Variants in SIN3B observed in about 807,000 individuals in gnomAD.
SIN3B encodes paired amphipathic helix protein Sin3b.
A neutral mutation model predicts 120.2 loss-of-function variants in SIN3B; 19 were observed. The observed-to-expected ratio is 0.16, with a 90% CI of 0.11 to 0.23. The LOEUF (loss-of-function observed/expected upper bound fraction) is 0.23. SIN3B is among the 10% of genes least tolerant of loss of function. The pLI is 1.00. For synonymous variants in SIN3B, 654 were observed against 653.2 expected (o/e 1.00, Z -0.02); for missense variants, 1,073 against 1,573.0 (o/e 0.68, Z 5.38).
chr19:16,842,044 CT>C lies in SIN3B; in HGVS notation c.582+78del. The C allele has an allele frequency of 2.5e-6, 3 of 1,218,588 alleles. No individual in the cohort carries two copies. The South Asian group carries it at 3.9e-5, about 16-fold the overall frequency. The allele number at this position is 1,218,588 out of a possible 1,614,324, so 75.5% of individuals were successfully genotyped here. A position where few individuals can be genotyped will look rare whatever the true frequency, so the allele number is the denominator to read the frequency against. On this transcript the variant is annotated intron_variant, in intron 4 of 18. Transcript: ENST00000248054. ...GGGGCCCTGCAGATATTCAGATTTT[CT>C]TGTCGGAATTCATAAAATCCTGTAA...
intron 1 of SIN3B, 111 bp from the exon 2 acceptor site, chr19:16,829,680 C>G: frequency 8.0e-7 from 1 of 1,257,114 alleles, no homozygotes; most frequent in Non-Finnish European, 1.1e-6. Flanking sequence ...CCCCTCACCT[C>G]TCACCTCGGC....
Position 16,869,534 on chromosome 19 carries a change from G to A in SIN3B, c.1881G>A (p.Arg627=). 1.2e-6 allele frequency: 2 copies of A among 1,613,884 alleles called. No individual in the cohort carries two copies. Among genetic ancestry groups the A allele is most frequent in the East Asian group, 2.2e-5 (1 of 44,874 alleles). Residue 627 remains arginine (R), a synonymous_variant, in exon 13 of 19, where the codon CGG becomes CGA. Transcript: ENST00000248054. The part of the protein sequence containing the change: ...EPHLIFVYED[R]QILEDAAALI... ...ACCTCATCTTTGTGTACGAGGACCG[G>A]CAGATCCTGGAGGACGCAGCAGCGC...
chr19:16,833,212 A>G (rs1383277347), intron 3 of SIN3B, among the ~76,000 whole-genome samples: 1 of 152,176 alleles, frequency 6.6e-6, no homozygotes, highest in Non-Finnish European at 1.5e-5. Flanking sequence ...GTCTTCTTTG[A>G]TGGAAGAGAT....
At chr19:16,829,561 C>T (rs1420244448) in intron 1 of SIN3B, 21 bp downstream of exon 1, 3 of 1,242,718 alleles carry the variant, frequency 2.4e-6, no homozygotes, top group Non-Finnish European at 3.0e-6. Flanking sequence ...TCCCCGCCCT[C>T]CCTCGGGGAA....
Position 16,876,437 on chromosome 19 carries a change from C to G in SIN3B, c.2767-49C>G. 3.8e-6 allele frequency: 6 copies of G among 1,586,128 alleles called. No homozygotes were observed. Among genetic ancestry groups the G allele is most frequent in the Non-Finnish European group, 5.2e-6 (6 of 1,158,552 alleles). On this transcript the variant is annotated intron_variant, in intron 15 of 18. Coordinates refer to ENST00000248054, the MANE Select transcript of SIN3B (RefSeq NM_001297595.2). This position sits in a 1 kb window ranked among gnomAD's most constrained non-coding sequence, Gnocchi z 7.1. Reference sequence around the variant, plus strand: ...GTGGCCTTGCGAGCCTGCGCTGTGCCGGCTGGGCTGTGCCGGCAGTGGAGG... The same window carrying G: ...GTGGCCTTGCGAGCCTGCGCTGTGCGGGCTGGGCTGTGCCGGCAGTGGAGG...
chr19:16,856,281 G>GGGAGCCAGCT (rs1198120493), intron 8 of SIN3B, among the ~76,000 whole-genome samples: 2 of 152,060 alleles, frequency 1.3e-5, no homozygotes. Context: ...GCTGAGACCT[G>GGGAGCCAGCT]GGAGCCAGCT....
At position 16,832,220 on chromosome 19, in the gene SIN3B, C is replaced by T. The variant is rs556306615; in HGVS notation, c.381+573C>T. 1.4e-3 allele frequency among the ~76,000 whole-genome samples: 174 copies of T among 123,100 alleles called. 1 individual carries two copies. The highest frequency in any genetic ancestry group is 5.1e-3 in the African/African-American group (167 of 32,986). The allele number at this position is 123,100 out of a possible 152,430, so 80.8% of individuals were successfully genotyped here. ...TTTTTTTTTTTTTTTTTTTTGGAGA[C>T]GGAGTCTGGCTCTGTCACCCAGGCT... On this transcript the variant is annotated intron_variant, in intron 3 of 18. Coordinates refer to ENST00000248054, the MANE Select transcript of SIN3B (RefSeq NM_001297595.2).
At chr19:16,867,543 G>T (rs529267946) in intron 12 of SIN3B, among the ~76,000 whole-genome samples, 2 of 152,292 alleles carry the variant, frequency 1.3e-5, no homozygotes, top group African/African-American at 4.8e-5. Flanking sequence ...ACTCTGAGGA[G>T]GTGGCTTAGG....
Position 16,876,600 on chromosome 19 carries a change from G to C in SIN3B, c.2859+22G>C. 8 of 1,593,144 alleles carry C rather than the reference G, an allele frequency of 5.0e-6. No homozygotes were observed. The highest frequency in any genetic ancestry group is 3.3e-5 in the South Asian group (3 of 90,404). ...CCAGGTGAGGCCCTGGCCCCAGTCTGTGCCACGCATACCAGGGAGCGCCTG... is the reference window on the plus strand; with the variant it reads ...CCAGGTGAGGCCCTGGCCCCAGTCTCTGCCACGCATACCAGGGAGCGCCTG... On this transcript the variant is annotated intron_variant, in intron 16 of 18. Transcript: ENST00000248054. This position sits in a 1 kb window ranked among gnomAD's most constrained non-coding sequence, Gnocchi z 7.1.
chr19:16,870,347 G>A (rs1017035451), intron 13 of SIN3B, among the ~76,000 whole-genome samples: 3 of 151,992 alleles, frequency 2.0e-5, no homozygotes, highest in African/African-American at 7.2e-5. Context: ...GCTTTCTCGT[G>A]GAGCCGTCAT....
intron 8 of SIN3B, among the ~76,000 whole-genome samples, chr19:16,858,203 C>T (rs563565848): frequency 2.0e-5 from 3 of 152,208 alleles, no homozygotes; most frequent in Admixed American, 1.3e-4. Context: ...TAATACATCT[C>T]GTAAGTCTCC....
intron 5 of SIN3B, among the ~76,000 whole-genome samples, chr19:16,849,827 G>A (rs144406906): frequency 9.9e-5 from 15 of 152,144 alleles, no homozygotes; most frequent in African/African-American, 2.4e-4. Flanking sequence ...GTGGTGGCTC[G>A]TGCCTGTAAT....
chr19:16,843,270 A>G lies in SIN3B; in HGVS notation c.582+1302A>G, dbSNP rs192619890. Among the ~76,000 whole-genome samples, 8 of 152,330 alleles carry G rather than the reference A, an allele frequency of 5.3e-5. No individual in the cohort carries two copies. The East Asian group carries it at 1.4e-3, about 26-fold the overall frequency. On this transcript the variant is annotated intron_variant, in intron 4 of 18. Coordinates refer to ENST00000248054, the MANE Select transcript of SIN3B (RefSeq NM_001297595.2). ...GGGCCACCACGCCCAGCTAATTAGC[A>G]GAACCCATTTTTTAAAATGAAATCC...
At chr19:16,865,684 C>T (rs764458915) in intron 11 of SIN3B, 36 bp downstream of exon 11, 1 of 1,362,006 alleles carries the variant, frequency 7.3e-7, no homozygotes, top group Non-Finnish European at 1.0e-6. Flanking sequence ...TTCCCCTTCC[C>T]CTTCCCCCTT....
rs59248384 is a variant in SIN3B, at chr19:16,855,378, C to G, written c.1058+1117C>G. On this transcript the variant is annotated intron_variant, in intron 8 of 18. Transcript: ENST00000248054. ...CCCTCTGGGAGAAACCTTCCCCCCC[C>G]CCCCCCCAGCAAAATTCCCTGGAGA... is the stretch of plus-strand genomic sequence containing the variant. The G allele has an allele frequency of 4.1e-4, 44 of 107,778 alleles. 9 individuals are homozygous for G. The highest frequency in any genetic ancestry group is 1.3e-3 in the African/African-American group (37 of 28,636). 6.7% of individuals were successfully genotyped at this position (107,778 alleles called of 1,614,324 possible).
intron 14 of SIN3B, among the ~76,000 whole-genome samples, chr19:16,875,538 TTGGTCTGGTCTGTTTGGTC>T (rs1399845879): frequency 7.1e-6 from 1 of 140,132 alleles, no homozygotes; most frequent in African/African-American, 2.8e-5. Context: ...TCTGGTCTGT[TTGGTCTGGTCTGTTTGGTC>T]TGGTCTGGTC....
At chr19:16,834,849 A>G (rs1409208054) in intron 3 of SIN3B, among the ~76,000 whole-genome samples, 2 of 151,696 alleles carry the variant, frequency 1.3e-5, no homozygotes, top group East Asian at 1.9e-4. Flanking sequence ...TTGAGAGGCC[A>G]TCGTCTGAAA....
intron 3 of SIN3B, among the ~76,000 whole-genome samples, chr19:16,835,620 A>T (rs1032486696): frequency 6.6e-6 from 1 of 151,620 alleles, no homozygotes; most frequent in African/African-American, 2.4e-5. Context: ...CTGAGGTTCA[A>T]GTCATTCTCC....
At position 16,862,316 on chromosome 19, in the gene SIN3B, G is replaced by A. The variant is rs1318005525; in HGVS notation, c.1059-36G>A. ...TCCAGATCCCTCTCAGAAGGCCCTG[G>A]GGATGACCAGTTACCATGTGTCTTT... On this transcript the variant is annotated intron_variant, in intron 8 of 18. Coordinates refer to ENST00000248054, the MANE Select transcript of SIN3B (RefSeq NM_001297595.2). This position sits in a 1 kb window ranked among gnomAD's most constrained non-coding sequence, Gnocchi z 4.7. 1 of 1,563,462 alleles carries A rather than the reference G, an allele frequency of 6.4e-7. No homozygotes were observed. Among genetic ancestry groups the A allele is most frequent in the Non-Finnish European group, 8.8e-7 (1 of 1,136,950 alleles).
Sources: gnomAD v4.1 joint callset for allele counts (sites outside exome capture counted in the v4.1 genomes callset) on GRCh38, gnomAD v4.1.1 for gene constraint, Gnocchi (gnomAD v3.1) non-coding constraint, MANE v1.5 for transcripts, NCBI Gene and HGNC (gene_info 2026-07-23, HGNC 2026-07-21) for gene names.